The following KDM2A variants were observed in gnomAD, a reference collection of about 807,000 sequenced individuals.
KDM2A encodes lysine demethylase 2A.
Under a neutral mutation model 137.3 loss-of-function variants are expected in KDM2A, and 3 were observed. That is an observed-to-expected ratio of 0.02 (90% confidence interval 0.01 to 0.06). The LOEUF (loss-of-function observed/expected upper bound fraction) is 0.06. KDM2A is among the 10% of genes least tolerant of loss of function. The pLI, the probability that KDM2A is intolerant of heterozygous loss-of-function variation, is 1.00. For synonymous variants in KDM2A, 512 were observed against 541.5 expected (o/e 0.95, Z 0.76); for missense variants, 738 against 1,510.6 (o/e 0.49, Z 8.48).
intron 5 of KDM2A, among the ~76,000 whole-genome samples, chr11:67,191,342 G>C (rs1184861882): frequency 6.6e-6 from 1 of 152,108 alleles, no homozygotes; most frequent in African/African-American, 2.4e-5. Flanking sequence ...CACTTCTTAA[G>C]TCTTTCTGTG....
chr11:67,170,682 G>A (rs953300097), intron 2 of KDM2A, among the ~76,000 whole-genome samples: 1 of 151,880 alleles, frequency 6.6e-6, no homozygotes, highest in South Asian at 2.1e-4. Context: ...GAAAGTGCTG[G>A]GATTACAGGT....
rs1859579431 is a variant in KDM2A at position 67,255,602 on chromosome 11, C to G, written c.*547C>G. The G allele has an allele frequency of 2.2e-6, 1 of 456,578 alleles. No individual in the cohort carries two copies. Among genetic ancestry groups the G allele is most frequent in the South Asian group, 1.5e-5 (1 of 64,552 alleles). The allele number at this position is 456,578 out of a possible 1,614,324, so 28.3% of individuals were successfully genotyped here. ...TCACACTGGTGCTGTTGAGATCTCC[C>G]AAACCTCACGTCCTTAACTGTGCTC... On this transcript the variant is annotated 3_prime_UTR_variant, in exon 21 of 21. Transcript: ENST00000529006.
chr11:67,173,146 AAC>A (rs1856911807), intron 2 of KDM2A, among the ~76,000 whole-genome samples: 1 of 151,936 alleles, frequency 6.6e-6, no homozygotes. Context: ...TTTCTTTTGA[AAC>A]AGAGTTTCTT....
chr11:67,157,346 C>G (rs1291345244), intron 2 of KDM2A, among the ~76,000 whole-genome samples: 2 of 148,716 alleles, frequency 1.3e-5, no homozygotes, highest in Non-Finnish European at 3.0e-5. Context: ...AAACACCACA[C>G]AGTTGGCAAA....
At chr11:67,175,071 T>C (rs1856949325) in intron 2 of KDM2A, among the ~76,000 whole-genome samples, 5 of 152,188 alleles carry the variant, frequency 3.3e-5, no homozygotes, top group Admixed American at 3.3e-4. Flanking sequence ...AATCAGTAGC[T>C]GATTTCCTTA....
intron 2 of KDM2A, among the ~76,000 whole-genome samples, chr11:67,176,568 G>A (rs1305665391): frequency 6.6e-6 from 1 of 152,192 alleles, no homozygotes; most frequent in Non-Finnish European, 1.5e-5. Flanking sequence ...TCTGAGAAGT[G>A]TATAGGCAAT....
chr11:67,199,690 T>A (rs574782789), intron 5 of KDM2A, among the ~76,000 whole-genome samples: 1 of 152,328 alleles, frequency 6.6e-6, no homozygotes, highest in South Asian at 2.1e-4. Context: ...GAAACCATCT[T>A]TGTAACAATG....
chr11:67,219,559 AT>A (rs111981707), intron 10 of KDM2A, 156 bp downstream of exon 10: 11,456 of 326,192 alleles, frequency 0.035, no homozygotes, highest in South Asian at 0.06. Context: ...TTTAAATTTA[AT>A]TTTTTTTTTT....
intron 2 of KDM2A, among the ~76,000 whole-genome samples, chr11:67,130,946 GA>G (rs1855841210): frequency 2.0e-5 from 3 of 151,674 alleles, no homozygotes; most frequent in Admixed American, 6.6e-5. Context: ...GGTAAGAGGT[GA>G]AACCAGACCT....
intron 12 of KDM2A, among the ~76,000 whole-genome samples, chr11:67,236,934 T>G (rs1320992770): frequency 1.3e-5 from 2 of 152,102 alleles, no homozygotes; most frequent in Non-Finnish European, 2.9e-5. Context: ...AAAGCAGATA[T>G]AAAAGTGGGC....
chr11:67,134,764 C>CA (rs1314292042), intron 2 of KDM2A, among the ~76,000 whole-genome samples: 2 of 152,172 alleles, frequency 1.3e-5, no homozygotes, highest in African/African-American at 4.8e-5. Context: ...TTCAGCCTCT[C>CA]AAAGTGCTGG....
At chr11:67,140,950 A>G (rs1278905047) in intron 2 of KDM2A, among the ~76,000 whole-genome samples, 1 of 152,082 alleles carries the variant, frequency 6.6e-6, no homozygotes. Context: ...AAAACGCTAT[A>G]TTTTAATTAC....
At chr11:67,218,689 C>G (rs1858243133) in intron 9 of KDM2A, among the ~76,000 whole-genome samples, 1 of 152,154 alleles carries the variant, frequency 6.6e-6, no homozygotes, top group East Asian at 1.9e-4. Context: ...ACTGCAACCT[C>G]CACCTCCCAG....
chr11:67,165,183 G>A (rs1169561297), intron 2 of KDM2A, among the ~76,000 whole-genome samples: 2 of 151,626 alleles, frequency 1.3e-5, no homozygotes, highest in African/African-American at 2.4e-5. Flanking sequence ...GTGCAGTGGC[G>A]CGATCTTGGC....
chr11:67,242,492 T>G (rs1859075745), intron 12 of KDM2A, among the ~76,000 whole-genome samples: 1 of 152,254 alleles, frequency 6.6e-6, no homozygotes, highest in Non-Finnish European at 1.5e-5. Flanking sequence ...TAATATTCAC[T>G]AACTGGTGTA....
chr11:67,172,462 T>A (rs894592867), intron 2 of KDM2A, among the ~76,000 whole-genome samples: 2 of 152,202 alleles, frequency 1.3e-5, no homozygotes, highest in African/African-American at 4.8e-5. Flanking sequence ...AACAATGCTT[T>A]GTAGCTTTCT....
In KDM2A at chr11:67,245,823, T is replaced by A; in HGVS notation, c.1834-162T>A. 1.2e-6 allele frequency: 1 copy of A among 801,940 alleles called. No individual in the cohort carries two copies. The highest frequency in any genetic ancestry group is 3.6e-4 in the Middle Eastern group (1 of 2,796). 49.7% of individuals were successfully genotyped at this position (801,940 alleles called of 1,614,324 possible). Reference sequence around the variant, plus strand: ...GTTGAGTCCTCCTCTTCCCCAGTCATTTTTCCTACCCAAAACCTCCGTTCT... The same window carrying A: ...GTTGAGTCCTCCTCTTCCCCAGTCAATTTTCCTACCCAAAACCTCCGTTCT... On this transcript the variant is annotated intron_variant, in intron 14 of 20. Coordinates refer to ENST00000529006, the MANE Select transcript of KDM2A (RefSeq NM_012308.3). The surrounding 1 kb of genome is among the most constrained non-coding windows in gnomAD (Gnocchi z 4.1).
At position 67,245,225 on chromosome 11, in the gene KDM2A, A is replaced by G; in HGVS notation, c.1600A>G (p.Thr534Ala). The G allele has an allele frequency of 6.2e-7, 1 of 1,613,924 alleles. No homozygotes were observed. Among genetic ancestry groups the G allele is most frequent in the African/African-American group, 1.3e-5 (1 of 75,018 alleles). ...FPTRPKVRVP[T>A]IPITKPHTMK... ...CACTCGGCCAAAGGTGCGGGTTCCT[A>G]CCATCCCCATTACGAAGCCTCACAC... Residue 534 changes from threonine (T) to alanine (A), a missense_variant, in exon 14 of 21, where the codon ACC (threonine) becomes GCC (alanine). Thr to Ala is a moderately conservative substitution (Grantham distance 58). Coordinates refer to ENST00000529006, the MANE Select transcript of KDM2A (RefSeq NM_012308.3). The surrounding 1 kb of genome is among the most constrained non-coding windows in gnomAD (Gnocchi z 4.1).
At chr11:67,207,384 T>C (rs1418630120) in intron 5 of KDM2A, 126 bp from the exon 6 acceptor site, 7 of 641,596 alleles carry the variant, frequency 1.1e-5, no homozygotes, top group African/African-American at 1.8e-5. Flanking sequence ...GTGAGAACTT[T>C]TTCCTTGTGT....
Sources: allele counts gnomAD v4.1 joint callset (sites outside exome capture counted in the v4.1 genomes callset), GRCh38; gene constraint gnomAD v4.1.1; non-coding constraint Gnocchi (gnomAD v3.1); transcripts MANE v1.5; gene names NCBI Gene and HGNC (gene_info 2026-07-23, HGNC 2026-07-21).